MAP3K9: variants seen among roughly 807,000 people sequenced by gnomAD.
MAP3K9 encodes mitogen-activated protein kinase kinase kinase 9, also known as mixed lineage kinase 1 (tyr and ser/thr specificity).
A neutral mutation model predicts 95.8 loss-of-function variants in MAP3K9; 46 were observed. The ratio of observed to expected loss-of-function variants is 0.48; its 90% CI spans 0.38 to 0.61. MAP3K9 has a LOEUF of 0.61. Among genes scored for constraint, MAP3K9 ranks in the 20% least tolerant of loss-of-function variants. The pLI, the probability that MAP3K9 is intolerant of heterozygous loss-of-function variation, is 0.00. For synonymous variants in MAP3K9, 533 were observed against 593.8 expected (o/e 0.90, Z 1.49); for missense variants, 1,296 against 1,474.3 (o/e 0.88, Z 1.98).
At position 70,760,927 on chromosome 14, in the gene MAP3K9, A is replaced by G. The variant is rs2054365062; in HGVS notation, c.1001+75T>C. The G allele has an allele frequency of 3.3e-6, 5 of 1,524,210 alleles. No individual in the cohort carries two copies. In the African/African-American group the frequency reaches 4.1e-5, roughly 13 times the overall value. The allele number at this position is 1,524,210 out of a possible 1,614,324, so 94.4% of individuals were successfully genotyped here. ...GTGCCTGGGATCCTAGGTAACCTCA[A>G]TTCTCCAAGTCTTGAAATGTGTGTG... On this transcript the variant is annotated intron_variant, in intron 3 of 11. Transcript: ENST00000554752.
intron 2 of MAP3K9, among the ~76,000 whole-genome samples, chr14:70,794,988 TC>T (rs761053456): frequency 2.3e-5 from 3 of 128,788 alleles, no homozygotes; most frequent in Admixed American, 1.7e-4. Context: ...CTTTTTCTTT[TC>T]CTTTTTTTTT....
rs959992514 is a variant in MAP3K9, at chr14:70,730,619, T to C, written c.3076A>G (p.Thr1026Ala). ...RSTSPANSSS[T>A]ETPSNLDSCF... The stretch of plus-strand genomic sequence containing the variant: ...GAGTCCAGGTTGCTGGGCGTCTCTG[T>C]GCTGGAGCTGTTGGCTGGGGAGGTG... The change falls in exon 12 of 12, where the codon ACA (threonine) becomes GCA (alanine). Residue 1026 changes from threonine (T) to alanine (A), a missense_variant. Around this residue, in one of 5 missense-constraint regions of MAP3K9, gnomAD observed 433 missense variants for 441.4 expected, o/e 0.98. Transcript: ENST00000554752. The C allele has an allele frequency of 1.9e-6, 3 of 1,613,958 alleles. No individual in the cohort carries two copies. Among genetic ancestry groups the C allele is most frequent in the Middle Eastern group, 1.6e-4 (1 of 6,062 alleles).
chr14:70,793,311 C>T (rs544738367), intron 2 of MAP3K9, among the ~76,000 whole-genome samples: 1 of 152,328 alleles, frequency 6.6e-6, no homozygotes, highest in Non-Finnish European at 1.5e-5. Flanking sequence ...CACAACACCA[C>T]ACTCCAGCAT....
At position 70,754,583 on chromosome 14, in the gene MAP3K9, C is replaced by T. The variant is rs181083102; in HGVS notation, c.1002-4502G>A. 6.0e-4 allele frequency among the ~76,000 whole-genome samples: 92 copies of T among 152,198 alleles called. 2 individuals carry two copies. The highest frequency in any genetic ancestry group is 9.9e-4 in the Non-Finnish European group (67 of 67,994). ...ACCTCCCGGGTTCACACCATTCTCC[C>T]GCCTCAGCCTCAGGAGTAGCTGGGA... On this transcript the variant is annotated intron_variant, in intron 3 of 11. Transcript: ENST00000554752.
At chr14:70,788,094 A>G (rs953700872) in intron 2 of MAP3K9, among the ~76,000 whole-genome samples, 26 of 152,230 alleles carry the variant, frequency 1.7e-4, no homozygotes, top group Non-Finnish European at 2.9e-4. Flanking sequence ...AGGGAAGGAC[A>G]GAGACTTTTC....
At chr14:70,807,606 CT>C in intron 1 of MAP3K9, among the ~76,000 whole-genome samples, 1 of 152,216 alleles carries the variant, frequency 6.6e-6, no homozygotes, top group Middle Eastern at 3.4e-3. Flanking sequence ...AAAGTTGGTC[CT>C]TGCTAATGAC....
Position 70,793,078 on chromosome 14 carries a change from A to G in MAP3K9, c.820+7589T>C, listed in dbSNP as rs570467488. On this transcript the variant is annotated intron_variant, in intron 2 of 11. Transcript: ENST00000554752. ...GAACAGGCACCATGAGGAGCGTGACAGGCAGTCCCCAAGTTGGGAACAAAG... is the reference window on the plus strand; with the variant it reads ...GAACAGGCACCATGAGGAGCGTGACGGGCAGTCCCCAAGTTGGGAACAAAG... Among the ~76,000 whole-genome samples the G allele has an allele frequency of 2.0e-5, 3 of 152,368 alleles. No homozygotes were observed. In the East Asian group the frequency reaches 5.8e-4, roughly 29 times the overall value.
chr14:70,805,052 G>A (rs564428733), intron 1 of MAP3K9, among the ~76,000 whole-genome samples: 254 of 152,280 alleles, frequency 1.7e-3, no homozygotes, highest in Admixed American at 2.3e-3. Flanking sequence ...TTTTAAGTAA[G>A]AATCAGGTCA....
intron 3 of MAP3K9, among the ~76,000 whole-genome samples, chr14:70,752,371 T>C (rs34307438): frequency 0.56 from 84,894 of 152,038 alleles, 23,872 homozygotes; most frequent in Middle Eastern, 0.67. Context: ...CACTCATAGA[T>C]ATGTGAGTGA....
At chr14:70,785,492 C>T (rs1011006108) in intron 2 of MAP3K9, among the ~76,000 whole-genome samples, 1 of 152,184 alleles carries the variant, frequency 6.6e-6, no homozygotes, top group African/African-American at 2.4e-5. Flanking sequence ...TTCTCTCTCT[C>T]TCTGAAAAGA....
intron 1 of MAP3K9, among the ~76,000 whole-genome samples, chr14:70,803,243 C>A (rs2054951224): frequency 6.8e-6 from 1 of 146,502 alleles, no homozygotes; most frequent in East Asian, 2.1e-4. Flanking sequence ...AACTTTTTTT[C>A]TTTATAAATT....
Position 70,787,070 on chromosome 14 carries a change from A to C in MAP3K9, c.820+13597T>G, listed in dbSNP as rs112265954. On this transcript the variant is annotated intron_variant, in intron 2 of 11. Coordinates refer to ENST00000554752, the MANE Select transcript of MAP3K9 (RefSeq NM_001284230.2). ...ATAAGAATAGGAAAGCCAAATATAA[A>C]GATGAAAACAGTTGTATCTGCACAC... Among the ~76,000 whole-genome samples the C allele has an allele frequency of 2.0e-3, 308 of 152,310 alleles. 1 individual carries two copies. The highest frequency in any genetic ancestry group is 6.1e-3 in the African/African-American group (253 of 41,560).
intron 2 of MAP3K9, among the ~76,000 whole-genome samples, chr14:70,777,773 G>A (rs1003407200): frequency 2.0e-4 from 30 of 152,302 alleles, no homozygotes; most frequent in South Asian, 6.2e-4. Context: ...AGTTCTCTGC[G>A]AAGAGACACC....
chr14:70,773,422 A>G (rs1218948080), intron 2 of MAP3K9, among the ~76,000 whole-genome samples: 1 of 152,220 alleles, frequency 6.6e-6, no homozygotes, highest in Non-Finnish European at 1.5e-5. Context: ...GATTAATGAT[A>G]GGAAAAGAGC....
intron 5 of MAP3K9, among the ~76,000 whole-genome samples, chr14:70,745,655 T>C (rs529518372): frequency 2.0e-5 from 3 of 152,074 alleles, no homozygotes; most frequent in African/African-American, 7.2e-5. Context: ...GGAGAATTGC[T>C]TGAACCCGGG....
intron 5 of MAP3K9, among the ~76,000 whole-genome samples, chr14:70,745,461 G>A (rs899309010): frequency 2.0e-5 from 3 of 152,156 alleles, no homozygotes; most frequent in Non-Finnish European, 4.4e-5. Context: ...AAAGAAGGCC[G>A]GCATGGTGTC....
chr14:70,798,465 C>T (rs2054889201), intron 2 of MAP3K9, among the ~76,000 whole-genome samples: 2 of 73,626 alleles, frequency 2.7e-5, no homozygotes, highest in Non-Finnish European at 5.9e-5. Context: ...AAAGAGGTCA[C>T]CAAAAGTTTT....
At position 70,730,376 on chromosome 14, in the gene MAP3K9, C is replaced by A. The variant is rs764049075; in HGVS notation, c.*4G>T. ...CCCCCTTGCCCGCCCCAATCCTTTT[C>A]GTGCTAAGACCAGAACTCCTGCTGG... On this transcript the variant is annotated 3_prime_UTR_variant, in exon 12 of 12. Coordinates refer to ENST00000554752, the MANE Select transcript of MAP3K9 (RefSeq NM_001284230.2). The A allele has an allele frequency of 1.3e-6, 2 of 1,596,230 alleles. No individual in the cohort carries two copies. The highest frequency in any genetic ancestry group is 1.1e-5 in the South Asian group (1 of 90,292).
chr14:70,799,770 T>G (rs548070227), intron 2 of MAP3K9, among the ~76,000 whole-genome samples: 2 of 151,888 alleles, frequency 1.3e-5, no homozygotes, highest in African/African-American at 4.8e-5. Flanking sequence ...GCAAAGAGAG[T>G]GAAGTCCCTG....
Sources: allele counts gnomAD v4.1 joint callset (sites outside exome capture counted in the v4.1 genomes callset), GRCh38; gene constraint gnomAD v4.1.1; regional missense constraint gnomAD v4.1.1; transcripts MANE v1.5; gene names NCBI Gene and HGNC (gene_info 2026-07-23, HGNC 2026-07-21).